Variants in CCDC3 observed in about 807,000 individuals in gnomAD.
The protein encoded by CCDC3 is coiled-coil domain-containing protein 3.
A neutral mutation model predicts 21.4 loss-of-function variants in CCDC3; 24 were observed. That is an observed-to-expected ratio of 1.12 (90% CI 0.81 to 1.58). CCDC3 has a LOEUF of 1.58. CCDC3 is among the 40% of genes most tolerant of loss of function. The pLI is 0.00. For synonymous variants in CCDC3, 186 were observed against 166.0 expected, an observed-to-expected ratio of 1.12 and a Z score of -0.93; for missense variants, 425 against 360.9, an observed-to-expected ratio of 1.18 and a Z score of -1.44.
chr10:12,911,657 T>C (rs1337787531), intron 2 of CCDC3, among the ~76,000 whole-genome samples: 9 of 152,180 alleles, frequency 5.9e-5, no homozygotes, highest in Non-Finnish European at 1.5e-5. Context: ...TCACATACCA[T>C]TTTTTTGTAG....
At chr10:12,985,995 T>C (rs940319823) in intron 2 of CCDC3, among the ~76,000 whole-genome samples, 6 of 152,058 alleles carry the variant, frequency 3.9e-5, no homozygotes, top group Admixed American at 6.6e-5. Context: ...CCTGCCTCAG[T>C]CTCCTGAGTA....
At chr10:12,998,270 C>T (rs1835792607) in intron 2 of CCDC3, 68 bp downstream of exon 2, 1 of 1,531,824 alleles carries the variant, frequency 6.5e-7, no homozygotes, top group Non-Finnish European at 8.8e-7. Context: ...TTCCTTTGGT[C>T]ACAAAATTCA....
chr10:12,949,805 A>G (rs1180326871), intron 2 of CCDC3, among the ~76,000 whole-genome samples: 2 of 152,206 alleles, frequency 1.3e-5, no homozygotes, highest in African/African-American at 2.4e-5. Context: ...AAGTGCAATC[A>G]TGACTTCTAA....
chr10:12,939,645 GAT>G (rs1475242888), intron 2 of CCDC3, among the ~76,000 whole-genome samples: 4 of 5,312 alleles, frequency 7.5e-4, no homozygotes, highest in Admixed American at 7.2e-3. Flanking sequence ...GTCCAGATGA[GAT>G]ACCCTGGGAA....
intron 2 of CCDC3, among the ~76,000 whole-genome samples, chr10:12,936,343 C>CTGTT (rs369260766): frequency 1.2e-3 from 184 of 152,138 alleles, no homozygotes; most frequent in African/African-American, 4.0e-3. Context: ...TATATGTAAG[C>CTGTT]TGTTTTCTTT....
At chr10:13,036,673 TG>T (rs570913652) in intron 5 of CCDC3, among the ~76,000 whole-genome samples, 9 of 151,756 alleles carry the variant, frequency 5.9e-5, no homozygotes, top group African/African-American at 2.2e-4. Context: ...TTAGTAGAGA[TG>T]GGGTTTCACC....
At position 13,007,722 on chromosome 10, in the gene CCDC3, AT is replaced by A. The variant is rs562866250; in HGVS notation, c.-1-9211del. On this transcript the variant is annotated intron_variant, in intron 5 of 6. Transcript: ENST00000378839. ...AAATATGTCCTTTCTTCCCAAAATAATTTTTTTAAAATCCTAATACAAAATA... is the reference window on the plus strand; with the variant it reads ...AAATATGTCCTTTCTTCCCAAAATAATTTTTTAAAATCCTAATACAAAATA... Among the ~76,000 whole-genome samples the A allele has an allele frequency of 1.7e-3, 255 of 152,266 alleles. 2 individuals carry two copies. The highest frequency in any genetic ancestry group is 6.0e-3 in the African/African-American group (248 of 41,564).
At chr10:12,961,032 G>A (rs1248216589) in intron 2 of CCDC3, among the ~76,000 whole-genome samples, 1 of 152,172 alleles carries the variant, frequency 6.6e-6, no homozygotes, top group African/African-American at 2.4e-5. Flanking sequence ...CAGGGAAGAG[G>A]CCAAGACATG....
chr10:13,000,639 A>C (rs79738002), intron 1 of CCDC3, among the ~76,000 whole-genome samples: 6,427 of 152,254 alleles, frequency 0.042, 153 homozygotes, highest in African/African-American at 0.057. Flanking sequence ...ATTTGAGCAA[A>C]TGAGGAAGAG....
intron 4 of CCDC3, chr10:13,058,328 T>C (rs1315032739): frequency 1.5e-6 from 2 of 1,291,314 alleles, no homozygotes; most frequent in East Asian, 4.6e-5. Context: ...TTCATAGATC[T>C]TGTCCATGCC....
intron 3 of CCDC3, among the ~76,000 whole-genome samples, chr10:13,094,661 T>C (rs56205479): frequency 0.97 from 147,465 of 151,928 alleles, 71,739 homozygotes; most frequent in East Asian, 1. Flanking sequence ...GTCATGAGTT[T>C]AAGACCAGCC....
intron 2 of CCDC3, chr10:13,098,710 A>AGTTTTTTTTT (rs1832666478): frequency 1.5e-5 from 1 of 64,854 alleles, no homozygotes; most frequent in Non-Finnish European, 2.7e-5. Flanking sequence ...TCCTGCACTG[A>AGTTTTTTTTT]TTTTTTTTTT....
intron 4 of CCDC3, among the ~76,000 whole-genome samples, chr10:13,053,621 G>C (rs1836641104): frequency 6.6e-6 from 1 of 152,172 alleles, no homozygotes; most frequent in African/African-American, 2.4e-5. Context: ...AAAACCAGAG[G>C]TGATACAAAA....
intron 5 of CCDC3, among the ~76,000 whole-genome samples, chr10:13,014,676 C>T (rs1836029086): frequency 6.6e-6 from 1 of 151,896 alleles, no homozygotes; most frequent in African/African-American, 2.4e-5. Context: ...AAAGTATTTG[C>T]AGATGATGAG....
chr10:13,038,591 C>T (rs1836408944), intron 5 of CCDC3, among the ~76,000 whole-genome samples: 1 of 152,204 alleles, frequency 6.6e-6, no homozygotes, highest in Non-Finnish European at 1.5e-5. Flanking sequence ...CTTGGCATCA[C>T]TGGTTGGCAA....
intron 5 of CCDC3, among the ~76,000 whole-genome samples, chr10:13,021,577 A>G (rs1836146334): frequency 6.6e-6 from 1 of 152,186 alleles, no homozygotes; most frequent in Admixed American, 6.5e-5. Flanking sequence ...TCCACAGGAC[A>G]AAACGAATAG....
chr10:12,918,811 T>A (rs1356752114), intron 2 of CCDC3, among the ~76,000 whole-genome samples: 1 of 152,028 alleles, frequency 6.6e-6, no homozygotes, highest in Non-Finnish European at 1.5e-5. Flanking sequence ...CCCAGAACTT[T>A]GGGAGGCCGA....
At chr10:13,073,820 G>T (rs1026134353) in intron 4 of CCDC3, 1 of 152,154 alleles carries the variant, frequency 6.6e-6, no homozygotes, top group South Asian at 2.1e-4. Context: ...GATTTTAAAA[G>T]CTTAGCAATG....
intron 3 of CCDC3, among the ~76,000 whole-genome samples, chr10:13,092,530 C>T (rs1174070694): frequency 3.3e-5 from 5 of 152,168 alleles, no homozygotes; most frequent in African/African-American, 1.2e-4. Flanking sequence ...CTTTCTGCCT[C>T]CCTTGGGTCA....
Sources: gnomAD v4.1 joint callset for allele counts (sites outside exome capture counted in the v4.1 genomes callset) on GRCh38, gnomAD v4.1.1 for gene constraint, MANE v1.5 for transcripts, NCBI Gene and HGNC (gene_info 2026-07-23, HGNC 2026-07-21) for gene names.